The following TPRG1L variants were observed in gnomAD, a reference collection of about 807,000 sequenced individuals.
TPRG1L encodes tumor protein p63 regulated 1 like.
In TPRG1L, 25 loss-of-function variants were observed where a neutral mutation model predicts 29.4. The ratio of observed to expected loss-of-function variants is 0.85; its 90% CI spans 0.62 to 1.19. The LOEUF is 1.19. Ranked by LOEUF, TPRG1L falls within the 50% of genes most tolerant of loss-of-function variation. The pLI, the probability that TPRG1L is intolerant of heterozygous loss-of-function variation, is 0.00. For synonymous variants in TPRG1L, 182 were observed against 151.1 expected, an observed-to-expected ratio of 1.20 and a Z score of -1.50; for missense variants, 354 against 364.4, an observed-to-expected ratio of 0.97 and a Z score of 0.23.
At chr1:3,627,245 G>A (rs1644496143) in intron 3 of TPRG1L, among the ~76,000 whole-genome samples, 1 of 152,192 alleles carries the variant, frequency 6.6e-6, no homozygotes, top group African/African-American at 2.4e-5. Flanking sequence ...AGGAGGTGGA[G>A]GATGCAGCGA....
At position 3,625,023 on chromosome 1, in the gene TPRG1L, C is replaced by A. The variant is rs1274648298; in HGVS notation, c.-50C>A. ...GGCCGGGTGGTGGCGGTGGCTGCGGCGACGGCGGTCGCGTCGGCGTCAGGG... is the reference window on the plus strand; with the variant it reads ...GGCCGGGTGGTGGCGGTGGCTGCGGAGACGGCGGTCGCGTCGGCGTCAGGG... On this transcript the variant is annotated 5_prime_UTR_variant, in exon 1 of 5. Transcript: ENST00000378344. 5.9e-6 allele frequency: 7 copies of A among 1,179,772 alleles called. No homozygotes were observed. The highest frequency in any genetic ancestry group is 7.4e-6 in the Non-Finnish European group (7 of 946,642). The allele number at this position is 1,179,772 out of a possible 1,614,324, so 73.1% of individuals were successfully genotyped here.
intron 3 of TPRG1L, 46 bp downstream of exon 3, chr1:3,625,935 TG>T: frequency 1.3e-6 from 2 of 1,549,394 alleles, no homozygotes; most frequent in Non-Finnish European, 8.7e-7. Context: ...AGCACCAGAG[TG>T]GACCTTACAA....
chr1:3,625,071 C>G lies in TPRG1L; in HGVS notation c.-2C>G. 2 of 1,209,740 alleles carry G rather than the reference C, an allele frequency of 1.7e-6. No homozygotes were observed. Among genetic ancestry groups the G allele is most frequent in the Non-Finnish European group, 1.0e-6 (1 of 965,660 alleles). 74.9% of individuals were successfully genotyped at this position (1,209,740 alleles called of 1,614,324 possible). A position where few individuals can be genotyped will look rare whatever the true frequency, so the allele number is the denominator to read the frequency against. ...GGGTCGGGGTCGGTAAGGGGTGCGGCAATGCTGCAACTGCGGGACTCGGTG... is the reference window on the plus strand; with the variant it reads ...GGGTCGGGGTCGGTAAGGGGTGCGGGAATGCTGCAACTGCGGGACTCGGTG... On this transcript the variant is annotated 5_prime_UTR_variant, in exon 1 of 5. Coordinates refer to ENST00000378344, the MANE Select transcript of TPRG1L (RefSeq NM_182752.4).
chr1:3,628,997 T>C lies in TPRG1L; in HGVS notation c.*394T>C, dbSNP rs1427819381. 6.1e-6 allele frequency: 1 copy of C among 163,492 alleles called. No homozygotes were observed. The highest frequency in any genetic ancestry group is 1.3e-5 in the Non-Finnish European group (1 of 75,966). 10.1% of individuals were successfully genotyped at this position (163,492 alleles called of 1,614,324 possible). On this transcript the variant is annotated 3_prime_UTR_variant, in exon 5 of 5. Coordinates refer to ENST00000378344, the MANE Select transcript of TPRG1L (RefSeq NM_182752.4). ...GCACACCCCTTAGCGCTTGCCTAGG[T>C]TGCTGAAAACAGGGAGGCACCTGGT... is the stretch of plus-strand genomic sequence containing the variant.
At chr1:3,627,780 G>A in intron 4 of TPRG1L, 127 bp downstream of exon 4, 3 of 1,216,462 alleles carry the variant, frequency 2.5e-6, no homozygotes, top group African/African-American at 1.5e-5. Flanking sequence ...TTGAGACGTG[G>A]CTAGAAATGA....
rs1353226305 is a variant in TPRG1L at position 3,629,404 on chromosome 1, T to C, written c.*801T>C. On this transcript the variant is annotated 3_prime_UTR_variant, in exon 5 of 5. Coordinates refer to ENST00000378344, the MANE Select transcript of TPRG1L (RefSeq NM_182752.4). Reference sequence around the variant, plus strand: ...CATAGTTAAAGGGAATCGGGTACTTTGCTTGTTGAATAATGCACTTTAAAA... The same window carrying C: ...CATAGTTAAAGGGAATCGGGTACTTCGCTTGTTGAATAATGCACTTTAAAA... 6.6e-6 allele frequency: 1 copy of C among 152,260 alleles called. No homozygotes were observed. Among genetic ancestry groups the C allele is most frequent in the African/African-American group, 2.4e-5 (1 of 41,468 alleles). 9.4% of individuals were successfully genotyped at this position (152,260 alleles called of 1,614,324 possible).
Position 3,628,574 on chromosome 1 carries a change from T to A in TPRG1L, c.790T>A (p.Ser264Thr). 2 of 1,608,786 alleles carry A rather than the reference T, an allele frequency of 1.2e-6. No individual in the cohort carries two copies. The highest frequency in any genetic ancestry group is 1.7e-6 in the Non-Finnish European group (2 of 1,176,160). The change falls in exon 5 of 5, where the codon TCC (serine) becomes ACC (threonine). Residue 264 changes from serine to threonine, a missense_variant. By Grantham distance (58) the Ser-to-Thr change is moderately conservative (BLOSUM62 1). Coordinates refer to ENST00000378344, the MANE Select transcript of TPRG1L (RefSeq NM_182752.4). ...FINNEAKLGY[S>T]MTRGKIGF ...TAACAACGAGGCGAAACTGGGCTAC[T>A]CCATGACCAGGGGCAAAATAGGCTT...
chr1:3,625,610 C>T (rs545249403), intron 2 of TPRG1L, 95 bp downstream of exon 2: 2 of 1,559,316 alleles, frequency 1.3e-6, no homozygotes, highest in African/African-American at 1.3e-5. Context: ...GTGCCACGCT[C>T]AGGCGCCCCG....
At chr1:3,626,834 C>T (rs1245308975) in intron 3 of TPRG1L, among the ~76,000 whole-genome samples, 2 of 152,132 alleles carry the variant, frequency 1.3e-5, no homozygotes, top group South Asian at 2.1e-4. Flanking sequence ...CCATTTTGGC[C>T]TCCCAAAGCG....
chr1:3,627,853 T>G (rs1211383604), intron 4 of TPRG1L, among the ~76,000 whole-genome samples, 200 bp downstream of exon 4: 6 of 152,224 alleles, frequency 3.9e-5, no homozygotes, highest in Admixed American at 3.9e-4. Context: ...TTAATTTATG[T>G]TAAAGTAGCC....
intron 2 of TPRG1L, 68 bp downstream of exon 2, chr1:3,625,583 G>A (rs1644480147): frequency 1.9e-6 from 3 of 1,569,380 alleles, no homozygotes; most frequent in African/African-American, 2.7e-5. Context: ...ACCTTGCGAG[G>A]ACTTCCCGGG....
chr1:3,627,496 T>C lies in TPRG1L; in HGVS notation c.471-4T>C, dbSNP rs1196418914. The C allele has an allele frequency of 9.9e-6, 16 of 1,613,808 alleles. No homozygotes were observed. The highest frequency in any genetic ancestry group is 2.2e-5 in the East Asian group (1 of 44,890). The stretch of plus-strand genomic sequence containing the variant: ...AAGTCTGGCTATTTCTTCTGACTTT[T>C]CAGGCGAGAAGGTTTTGGGATTCGA... On this transcript the variant is annotated splice_polypyrimidine_tract_variant and splice_region_variant and intron_variant, in intron 3 of 4. Coordinates refer to ENST00000378344, the MANE Select transcript of TPRG1L (RefSeq NM_182752.4).
rs1644483190 is a variant in TPRG1L, at chr1:3,625,795, A to G, written c.376A>G (p.Ser126Gly). Residue 126 changes from serine (S) to glycine (G), a missense_variant, in exon 3 of 5, where the codon AGT (serine) becomes GGT (glycine). By Grantham distance (56) the Ser-to-Gly change is moderately conservative (BLOSUM62 0). Transcript: ENST00000378344. ...GCTTATCTGTAAATACGACTTCATC[A>G]GTCTCCAGTGCCAGCAGGTGGTGCG... ...SLLICKYDFI[S>G]LQCQQVVRIA... 2 of 1,613,796 alleles carry G rather than the reference A, an allele frequency of 1.2e-6. No individual in the cohort carries two copies. Among genetic ancestry groups the G allele is most frequent in the Non-Finnish European group, 1.7e-6 (2 of 1,180,006 alleles).
chr1:3,626,526 G>C (rs1342862113), intron 3 of TPRG1L, among the ~76,000 whole-genome samples: 1 of 151,348 alleles, frequency 6.6e-6, no homozygotes, highest in Non-Finnish European at 1.5e-5. Flanking sequence ...TATGACATAA[G>C]GAAAAGGAAG....
At chr1:3,627,731 G>A in intron 4 of TPRG1L, 78 bp downstream of exon 4, 1 of 1,582,270 alleles carries the variant, frequency 6.3e-7, no homozygotes, top group Non-Finnish European at 8.6e-7. Flanking sequence ...GACACTTCAG[G>A]TCTGCACTGT....
chr1:3,628,442 G>A lies in TPRG1L; in HGVS notation c.658G>A (p.Val220Ile). 3 of 1,612,706 alleles carry A rather than the reference G, an allele frequency of 1.9e-6. No individual in the cohort carries two copies. The highest frequency in any genetic ancestry group is 2.5e-6 in the Non-Finnish European group (3 of 1,178,968). ...ESFKALLIQA[V>I]KKAQKESPLP... is the part of the protein sequence containing the mutation. ...CTTCAAGGCTCTGTTAATCCAAGCT[G>A]TCAAAAAAGCCCAAAAAGAAAGCCC... is the stretch of plus-strand genomic sequence containing the variant. The change falls in exon 5 of 5, where the codon GTC becomes ATC. Residue 220 changes from valine (V) to isoleucine (I), a missense_variant. Physicochemically the swap from Val to Ile is conservative, Grantham distance 29. Coordinates refer to ENST00000378344, the MANE Select transcript of TPRG1L (RefSeq NM_182752.4).
rs377037347 is a variant in TPRG1L, at chr1:3,629,129, C to G, written c.*526C>G. The G allele has an allele frequency of 6.6e-6, 1 of 152,158 alleles. No individual in the cohort carries two copies. Among genetic ancestry groups the G allele is most frequent in the Non-Finnish European group, 1.5e-5 (1 of 68,064 alleles). 9.4% of individuals were successfully genotyped at this position (152,158 alleles called of 1,614,324 possible). On this transcript the variant is annotated 3_prime_UTR_variant, in exon 5 of 5. Transcript: ENST00000378344. ...GCTCATCCAAAAGCAGCCAGCAGAC[C>G]GGTTGACTGAGACCGGTCTGTGGCT...
At chr1:3,625,548 G>T (rs1330542389) in intron 2 of TPRG1L, 33 bp downstream of exon 2, 1 of 1,584,464 alleles carries the variant, frequency 6.3e-7, no homozygotes, top group East Asian at 2.3e-5. Context: ...TTGGTGGGGG[G>T]ACTCGCCCCG....
In TPRG1L at chr1:3,625,521, C is replaced by T. The variant is rs199922281; in HGVS notation, c.293+6C>T. On this transcript the variant is annotated splice_donor_region_variant and intron_variant, in intron 2 of 4. Coordinates refer to ENST00000378344, the MANE Select transcript of TPRG1L (RefSeq NM_182752.4). ...GGAGTGTGGCTGCTTACCGAGTAAGCCGGGGCTGCGCTCTCCTTGGTGGGG... is the reference window on the plus strand; with the variant it reads ...GGAGTGTGGCTGCTTACCGAGTAAGTCGGGGCTGCGCTCTCCTTGGTGGGG... The T allele has an allele frequency of 9.4e-6, 15 of 1,597,104 alleles. No individual in the cohort carries two copies. Among genetic ancestry groups the T allele is most frequent in the East Asian group, 9.1e-5 (4 of 44,178 alleles).
Sources: gnomAD v4.1 joint callset for allele counts (sites outside exome capture counted in the v4.1 genomes callset) on GRCh38, gnomAD v4.1.1 for gene constraint, MANE v1.5 for transcripts, NCBI Gene and HGNC (gene_info 2026-07-23, HGNC 2026-07-21) for gene names.